GPR63: variants seen among roughly 807,000 people sequenced by gnomAD.
GPR63 encodes G protein-coupled receptor 63.
GPR63 carries 12 observed loss-of-function variants against 23.1 expected under a neutral mutation model. The observed-to-expected ratio is 0.52, with a 90% CI of 0.33 to 0.84. The LOEUF (loss-of-function observed/expected upper bound fraction) is 0.84. Among genes scored for constraint, GPR63 ranks in the 40% least tolerant of loss-of-function variants. GPR63 has a pLI of 0.02. For missense variants in GPR63, 472 were observed against 515.6 expected (o/e 0.92, Z 0.82); for synonymous variants, 172 against 191.1 (o/e 0.90, Z 0.82).
At chr6:96,801,360 C>A (rs999507794) in intron 1 of GPR63, among the ~76,000 whole-genome samples, 2 of 152,024 alleles carry the variant, frequency 1.3e-5, no homozygotes, top group Admixed American at 6.6e-5. Flanking sequence ...CCACCAAGCC[C>A]GGCTAATTTT....
chr6:96,837,324 A>C lies in GPR63; in HGVS notation c.-207T>G, dbSNP rs1453686741. 1 of 152,378 alleles carries C rather than the reference A, an allele frequency of 6.6e-6. No homozygotes were observed. Among genetic ancestry groups the C allele is most frequent in the Non-Finnish European group, 1.5e-5 (1 of 68,182 alleles). 9.4% of individuals were successfully genotyped at this position (152,378 alleles called of 1,614,324 possible). ...GGAAGAGCCCAGGGAGCATGGCTCC[A>C]TGTAGTCCCTCCCGGAACTTTCCTG... On this transcript the variant is annotated 5_prime_UTR_variant, in exon 1 of 2. The change abolishes an upstream ATG in the 5' untranslated region. Transcript: ENST00000229955.
chr6:96,828,579 T>A lies in GPR63; in HGVS notation c.-151+8689A>T, dbSNP rs868728802. Among the ~76,000 whole-genome samples, 263 of 106,950 alleles carry A rather than the reference T, an allele frequency of 2.5e-3. 2 individuals are homozygous for A. In the Middle Eastern group the frequency reaches 0.043, roughly 17 times the overall value. 70.2% of individuals were successfully genotyped at this position (106,950 alleles called of 152,430 possible). A position where few individuals can be genotyped will look rare whatever the true frequency, so the allele number is the denominator to read the frequency against. On this transcript the variant is annotated intron_variant, in intron 1 of 1. Transcript: ENST00000229955. ...AAAAACAGTAAAAAAAAAAAAAAAA[T>A]GGTAGGGGCAGAGGGTCAGTCTATC...
intron 1 of GPR63, among the ~76,000 whole-genome samples, chr6:96,831,884 C>A (rs1774592230): frequency 6.7e-6 from 1 of 150,306 alleles, no homozygotes; most frequent in Admixed American, 6.6e-5. Flanking sequence ...CCAGCCTGGG[C>A]AACACGGTGA....
intron 1 of GPR63, among the ~76,000 whole-genome samples, chr6:96,807,255 A>C (rs1562116956): frequency 6.6e-6 from 1 of 152,244 alleles, no homozygotes; most frequent in Non-Finnish European, 1.5e-5. Context: ...CATGAACAAC[A>C]TAGCCATGGC....
chr6:96,816,600 C>T (rs1774171053), intron 1 of GPR63, among the ~76,000 whole-genome samples: 1 of 152,162 alleles, frequency 6.6e-6, no homozygotes, highest in African/African-American at 2.4e-5. Flanking sequence ...CTCTGCAATT[C>T]GTGTTATTTT....
chr6:96,824,444 T>C lies in GPR63; in HGVS notation c.-151+12824A>G, dbSNP rs185651051. ...TCCCATTTCTACTATTTCTAAATTT[T>C]AATATTCAGTCAAGTTTCCTGTGCA... On this transcript the variant is annotated intron_variant, in intron 1 of 1. Transcript: ENST00000229955. 2.6e-3 allele frequency among the ~76,000 whole-genome samples: 390 copies of C among 152,098 alleles called. 2 individuals are homozygous for C. Among genetic ancestry groups the C allele is most frequent in the Non-Finnish European group, 3.8e-3 (255 of 67,972 alleles).
Position 96,799,820 on chromosome 6 carries a change from G to A in GPR63, c.-89C>T. 1.5e-6 allele frequency: 2 copies of A among 1,328,824 alleles called. No homozygotes were observed. Among genetic ancestry groups the A allele is most frequent in the South Asian group, 1.2e-5 (1 of 82,550 alleles). 82.3% of individuals were successfully genotyped at this position (1,328,824 alleles called of 1,614,324 possible). A position where few individuals can be genotyped will look rare whatever the true frequency, so the allele number is the denominator to read the frequency against. On this transcript the variant is annotated 5_prime_UTR_variant, in exon 2 of 2. Coordinates refer to ENST00000229955, the MANE Select transcript of GPR63 (RefSeq NM_030784.4). The stretch of plus-strand genomic sequence containing the variant: ...ACAGCAGTATCAGGTCCCATTGATG[G>A]GCTTGGAAATACATTCTGGAAAATG...
intron 1 of GPR63, among the ~76,000 whole-genome samples, chr6:96,830,454 ATACT>A (rs1683078955): frequency 6.6e-6 from 1 of 152,224 alleles, no homozygotes; most frequent in Admixed American, 6.5e-5. Context: ...AAGGAAAATG[ATACT>A]TACTTAAACA....
At chr6:96,808,792 T>C (rs1275166450) in intron 1 of GPR63, among the ~76,000 whole-genome samples, 1 of 152,144 alleles carries the variant, frequency 6.6e-6, no homozygotes, top group Non-Finnish European at 1.5e-5. Context: ...ATTATTATGA[T>C]ACTTTAAGTT....
chr6:96,807,807 C>T (rs565779107), intron 1 of GPR63, among the ~76,000 whole-genome samples: 2 of 152,250 alleles, frequency 1.3e-5, no homozygotes, highest in South Asian at 4.1e-4. Context: ...AGTATAATAT[C>T]AAAGAACTGT....
chr6:96,799,264 T>C lies in GPR63; in HGVS notation c.468A>G (p.Val156=). Residue 156 remains valine (V), a synonymous_variant, in exon 2 of 2, where the codon GTA becomes GTG. Coordinates refer to ENST00000229955, the MANE Select transcript of GPR63 (RefSeq NM_030784.4). ...CAAATAACCAGAAAAACATAGCAGA[T>C]ACCCTACAGAAGAATTTCCCAAAAA... ...RWIFGKFFCR[V]SAMFFWLFVI... is the part of the protein sequence containing the mutation. 1.9e-6 allele frequency: 3 copies of C among 1,614,100 alleles called. No homozygotes were observed. Among genetic ancestry groups the C allele is most frequent in the Non-Finnish European group, 2.5e-6 (3 of 1,180,008 alleles).
rs1773602214 is a variant in GPR63 at position 96,797,106 on chromosome 6, G to A, written c.*1366C>T. 6.6e-6 allele frequency: 1 copy of A among 152,102 alleles called. No individual in the cohort carries two copies. Among genetic ancestry groups the A allele is most frequent in the South Asian group, 2.1e-4 (1 of 4,826 alleles). The allele number at this position is 152,102 out of a possible 1,614,324, so 9.4% of individuals were successfully genotyped here. The stretch of plus-strand genomic sequence containing the variant: ...CACACACCTGTGTGTGCGTGTGTGT[G>A]TGTGGTTCCAGCTATTCAGGAGGCT... On this transcript the variant is annotated 3_prime_UTR_variant, in exon 2 of 2. Transcript: ENST00000229955.
intron 1 of GPR63, among the ~76,000 whole-genome samples, chr6:96,820,842 T>C (rs533407550): frequency 5.3e-5 from 8 of 152,202 alleles, no homozygotes; most frequent in African/African-American, 1.9e-4. Context: ...TCCAAGGACT[T>C]AGAATTAGTT....
At chr6:96,815,261 C>T (rs1407955164) in intron 1 of GPR63, among the ~76,000 whole-genome samples, 3 of 152,168 alleles carry the variant, frequency 2.0e-5, no homozygotes, top group Admixed American at 6.5e-5. Context: ...CTTTCTGATA[C>T]ATCACAAAGG....
chr6:96,828,190 G>C (rs774360791), intron 1 of GPR63, among the ~76,000 whole-genome samples: 1 of 151,972 alleles, frequency 6.6e-6, no homozygotes. Context: ...AGGTACTATC[G>C]GGATGCATTT....
chr6:96,807,721 T>A (rs1346234719), intron 1 of GPR63, among the ~76,000 whole-genome samples: 4 of 152,188 alleles, frequency 2.6e-5, no homozygotes, highest in African/African-American at 9.6e-5. Context: ...GGAATAGACA[T>A]ATCAAGATAT....
chr6:96,835,281 T>C (rs1477460627), intron 1 of GPR63, among the ~76,000 whole-genome samples: 2 of 152,184 alleles, frequency 1.3e-5, no homozygotes, highest in Non-Finnish European at 2.9e-5. Context: ...TGCACATGTA[T>C]TATTAGGTCC....
rs9481006 is a variant in GPR63 at position 96,811,492 on chromosome 6, C to G, written c.-150-11611G>C. ...TCTCTCTCTCATTCTGGGCCACAGC[C>G]TGTGCTTGAAGAGAAAAGATGTCAC... On this transcript the variant is annotated intron_variant, in intron 1 of 1. Coordinates refer to ENST00000229955, the MANE Select transcript of GPR63 (RefSeq NM_030784.4). Among the ~76,000 whole-genome samples, 1,103 of 152,314 alleles carry G rather than the reference C, an allele frequency of 7.2e-3. 22 individuals carry two copies. The highest frequency in any genetic ancestry group is 0.025 in the African/African-American group (1,039 of 41,560).
chr6:96,833,997 A>T (rs1259279378), intron 1 of GPR63, among the ~76,000 whole-genome samples: 1 of 152,150 alleles, frequency 6.6e-6, no homozygotes, highest in Non-Finnish European at 1.5e-5. Flanking sequence ...CAACTTTTCT[A>T]ACTCTTCATT....
Sources: allele counts gnomAD v4.1 joint callset (sites outside exome capture counted in the v4.1 genomes callset), GRCh38; gene constraint gnomAD v4.1.1; transcripts MANE v1.5; gene names NCBI Gene and HGNC (gene_info 2026-07-23, HGNC 2026-07-21).